NBN: variants seen among roughly 807,000 people sequenced by gnomAD.
NBN encodes nibrin.
In NBN, 88 loss-of-function variants were observed where a neutral mutation model predicts 90.8. The ratio of observed to expected loss-of-function variants is 0.97; its 90% CI spans 0.82 to 1.16. NBN has a LOEUF of 1.16. NBN is among the 50% of genes most tolerant of loss of function. The pLI is 0.00. For synonymous variants in NBN, 328 were observed against 295.1 expected, an observed-to-expected ratio of 1.11 and a Z score of -1.14; for missense variants, 894 against 869.6, an observed-to-expected ratio of 1.03 and a Z score of -0.35.
chr8:89,959,532 C>T (rs1399909052), intron 8 of NBN, among the ~76,000 whole-genome samples: 1 of 152,142 alleles, frequency 6.6e-6, no homozygotes, highest in Non-Finnish European at 1.5e-5. Context: ...GCAGGAGGAT[C>T]ACTTGAGCCC....
In NBN at chr8:89,971,023, C is replaced by A. The variant is rs1805827; in HGVS notation, c.702+150G>T. The A allele has an allele frequency of 8.7e-3, 6,289 of 725,664 alleles. 251 individuals are homozygous for A. The African/African-American group carries it at 0.096, about 11-fold the overall frequency. The allele number at this position is 725,664 out of a possible 1,614,324, so 45.0% of individuals were successfully genotyped here. ...CGTAATCACAGCCATGATCACTGGG[C>A]AGGTCTGGTGCCTGGGGTTTTTTTA... On this transcript the variant is annotated intron_variant, in intron 6 of 15. Coordinates refer to ENST00000265433, the MANE Select transcript of NBN (RefSeq NM_002485.5).
intron 5 of NBN, among the ~76,000 whole-genome samples, chr8:89,976,108 C>T (rs1014536872): frequency 1.3e-5 from 2 of 152,136 alleles, no homozygotes; most frequent in Admixed American, 1.3e-4. Context: ...TCTTAAGCCT[C>T]AGTCTTCCAA....
intron 12 of NBN, 78 bp from the exon 13 acceptor site, chr8:89,946,373 A>G: frequency 7.6e-7 from 1 of 1,320,724 alleles, no homozygotes; most frequent in South Asian, 1.2e-5. Flanking sequence ...GGGAATCTAT[A>G]GAAAAAAGTT....
chr8:89,939,800 C>T (rs1809858193), intron 14 of NBN, among the ~76,000 whole-genome samples: 1 of 152,204 alleles, frequency 6.6e-6, no homozygotes, highest in South Asian at 2.1e-4. Flanking sequence ...ACTGACCAAA[C>T]ACATAGGCTC....
At chr8:89,938,294 T>C (rs1023224324) in intron 14 of NBN, among the ~76,000 whole-genome samples, 1 of 152,202 alleles carries the variant, frequency 6.6e-6, no homozygotes, top group Non-Finnish European at 1.5e-5. Flanking sequence ...CCTTGAATCA[T>C]GTTGTTTTGT....
chr8:89,937,062 T>C lies in NBN; in HGVS notation c.2198A>G (p.His733Arg), dbSNP rs998714046. The C allele has an allele frequency of 4.3e-6, 7 of 1,612,696 alleles. No homozygotes were observed. In the African/African-American group the frequency reaches 8.0e-5, roughly 18 times the overall value. Reference sequence around the variant, plus strand: ...ATCAGCAAGAGACTCTTCTTTTGCATGTTGATTTTGTACCTGTCAAAATTA... The same window carrying C: ...ATCAGCAAGAGACTCTTCTTTTGCACGTTGATTTTGTACCTGTCAAAATTA... ...LRQEMEVQNQ[H>R]AKEESLADDL... The change falls in exon 15 of 16, where the codon CAT (histidine) becomes CGT (arginine). Residue 733 changes from histidine (H) to arginine (R), a missense_variant. His to Arg is a conservative substitution (Grantham distance 29). Coordinates refer to ENST00000265433, the MANE Select transcript of NBN (RefSeq NM_002485.5).
At chr8:89,968,606 A>C (rs1257812398) in intron 7 of NBN, among the ~76,000 whole-genome samples, 2 of 152,038 alleles carry the variant, frequency 1.3e-5, no homozygotes, top group Non-Finnish European at 1.5e-5. Flanking sequence ...TTTTTTTTTA[A>C]TGTATTACTG....
At chr8:89,938,633 T>G (rs1447926851) in intron 14 of NBN, among the ~76,000 whole-genome samples, 1 of 152,182 alleles carries the variant, frequency 6.6e-6, no homozygotes, top group Non-Finnish European at 1.5e-5. Flanking sequence ...TTTGACCAGG[T>G]CTACCTTATT....
At chr8:89,951,120 G>C (rs1319808093) in intron 11 of NBN, among the ~76,000 whole-genome samples, 1 of 151,932 alleles carries the variant, frequency 6.6e-6, no homozygotes, top group Non-Finnish European at 1.5e-5. Flanking sequence ...AGATCATCCT[G>C]GCTAACACAG....
At chr8:89,943,488 A>C in intron 13 of NBN, 122 bp from the exon 14 acceptor site, 1 of 1,051,710 alleles carries the variant, frequency 9.5e-7, no homozygotes, top group Admixed American at 2.0e-5. Context: ...TTTATATTCT[A>C]CAAATAAAAG....
At chr8:89,980,246 G>A (rs573114978) in intron 4 of NBN, among the ~76,000 whole-genome samples, 2 of 152,152 alleles carry the variant, frequency 1.3e-5, no homozygotes, top group Non-Finnish European at 2.9e-5. Context: ...TTTAATAAAG[G>A]AATCTAAGTA....
At chr8:89,944,209 A>G (rs574672170) in intron 13 of NBN, among the ~76,000 whole-genome samples, 19 of 152,258 alleles carry the variant, frequency 1.2e-4, no homozygotes, top group African/African-American at 4.3e-4. Flanking sequence ...CTTCTTCTCT[A>G]AGCAATTTAG....
chr8:89,976,343 G>A (rs897036486), intron 5 of NBN, among the ~76,000 whole-genome samples: 1 of 152,188 alleles, frequency 6.6e-6, no homozygotes, highest in Admixed American at 6.6e-5. Context: ...ACCTTGGAAG[G>A]CCAAAAGGTT....
At chr8:89,953,191 G>T in intron 11 of NBN, 53 bp downstream of exon 11, 2 of 1,314,486 alleles carry the variant, frequency 1.5e-6, no homozygotes, top group Non-Finnish European at 2.2e-6. Context: ...GAAAGTACCT[G>T]TTAGCATTCT....
At chr8:89,960,201 T>C (rs893423745) in intron 8 of NBN, among the ~76,000 whole-genome samples, 1 of 152,250 alleles carries the variant, frequency 6.6e-6, no homozygotes, top group Non-Finnish European at 1.5e-5. Flanking sequence ...TTACTACTAA[T>C]TCTAAATTCA....
intron 5 of NBN, 95 bp from the exon 6 acceptor site, chr8:89,971,385 T>C: frequency 7.3e-7 from 1 of 1,367,448 alleles, no homozygotes; most frequent in Non-Finnish European, 9.9e-7. Context: ...AAAGGCATAA[T>C]TTCCATAATA....
chr8:89,970,614 A>T, intron 6 of NBN, 57 bp from the exon 7 acceptor site: 1 of 1,504,524 alleles, frequency 6.6e-7, no homozygotes, highest in Non-Finnish European at 9.2e-7. Context: ...TTGAACACAT[A>T]AGAATTTGAT....
rs764015263 is a variant in NBN, at chr8:89,984,474, A to G, written c.37+51T>C. 5.2e-6 allele frequency: 8 copies of G among 1,546,566 alleles called. No homozygotes were observed. The Admixed American group carries it at 1.3e-4, about 26-fold the overall frequency. On this transcript the variant is annotated intron_variant, in intron 1 of 15. Transcript: ENST00000265433. ...GGAATCACCCGCAGGCCCTCCCCCG[A>G]GGCAGTCGCTACCGGGAAAATAGGC...
intron 5 of NBN, among the ~76,000 whole-genome samples, chr8:89,974,271 T>TTG (rs1563566866): frequency 6.7e-6 from 1 of 149,880 alleles, no homozygotes; most frequent in East Asian, 2.0e-4. Flanking sequence ...TTTTTTTTTT[T>TTG]GGTGATCTTG....
Sources: gnomAD v4.1 joint callset for allele counts (sites outside exome capture counted in the v4.1 genomes callset) on GRCh38, gnomAD v4.1.1 for gene constraint, MANE v1.5 for transcripts, NCBI Gene and HGNC (gene_info 2026-07-23, HGNC 2026-07-21) for gene names.